Variants in NUDCD1 observed in about 807,000 individuals in gnomAD.
The protein encoded by NUDCD1 is NudC domain containing 1.
Under a neutral mutation model 67.8 loss-of-function variants are expected in NUDCD1, and 60 were observed. The observed-to-expected ratio is 0.88, with a 90% confidence interval of 0.72 to 1.10. The LOEUF (loss-of-function observed/expected upper bound fraction) is 1.10. Among genes scored for constraint, NUDCD1 ranks in the 50% least tolerant of loss-of-function variants. The pLI is 0.00. For missense variants in NUDCD1, 643 were observed against 695.0 expected (o/e 0.93, Z 0.84); for synonymous variants, 244 against 230.8 (o/e 1.06, Z -0.52).
chr8:109,281,196 C>T (rs761201402), intron 5 of NUDCD1, 24 bp from the exon 6 acceptor site: 1 of 1,503,224 alleles, frequency 6.7e-7, no homozygotes, highest in South Asian at 1.2e-5. Context: ...AAAAATGCAT[C>T]ATGTAATAAA....
At chr8:109,269,087 C>A (rs994437313) in intron 8 of NUDCD1, among the ~76,000 whole-genome samples, 2 of 152,012 alleles carry the variant, frequency 1.3e-5, no homozygotes, top group Non-Finnish European at 2.9e-5. Context: ...GACCTAAAAC[C>A]ATTTTTTTAA....
At chr8:109,322,876 T>G (rs938040765) in intron 1 of NUDCD1, among the ~76,000 whole-genome samples, 63 of 152,216 alleles carry the variant, frequency 4.1e-4, no homozygotes, top group African/African-American at 1.3e-3. Flanking sequence ...TCTCATTCAT[T>G]TTAATACACA....
At chr8:109,259,381 T>C (rs778560851) in intron 8 of NUDCD1, among the ~76,000 whole-genome samples, 1 of 152,232 alleles carries the variant, frequency 6.6e-6, no homozygotes, top group Non-Finnish European at 1.5e-5. Flanking sequence ...CATGTCTTTT[T>C]ACCAGCATCT....
intron 1 of NUDCD1, among the ~76,000 whole-genome samples, chr8:109,324,241 C>G (rs935279659): frequency 6.6e-6 from 1 of 150,778 alleles, no homozygotes; most frequent in Admixed American, 6.6e-5. Context: ...GGGCAAAGAT[C>G]TTAATAGACA....
intron 6 of NUDCD1, among the ~76,000 whole-genome samples, chr8:109,280,042 ATTAT>A (rs1354837143): frequency 2.6e-5 from 4 of 152,208 alleles, no homozygotes; most frequent in African/African-American, 4.8e-5. Context: ...AGAAATATTA[ATTAT>A]TCCACTTTTA....
intron 6 of NUDCD1, among the ~76,000 whole-genome samples, chr8:109,275,744 G>C (rs960703465): frequency 6.6e-6 from 1 of 152,138 alleles, no homozygotes; most frequent in Admixed American, 6.6e-5. Context: ...GGCCTGAAGA[G>C]AGGATTGCCT....
chr8:109,290,363 C>T (rs1814683734), intron 4 of NUDCD1, among the ~76,000 whole-genome samples: 2 of 151,996 alleles, frequency 1.3e-5, no homozygotes, highest in African/African-American at 4.8e-5. Context: ...CCAACATGAC[C>T]GGCTTACTTG....
chr8:109,287,225 T>G (rs1814596425), intron 5 of NUDCD1, among the ~76,000 whole-genome samples: 1 of 152,194 alleles, frequency 6.6e-6, no homozygotes, highest in South Asian at 2.1e-4. Context: ...GAAAGCAGTT[T>G]GGAGATTTCT....
intron 8 of NUDCD1, among the ~76,000 whole-genome samples, chr8:109,247,454 C>T (rs1445153491): frequency 6.6e-6 from 1 of 152,068 alleles, no homozygotes; most frequent in East Asian, 1.9e-4. Context: ...TGAAAGGTGA[C>T]CACCAAGGGA....
chr8:109,261,245 A>G (rs1305471732), intron 8 of NUDCD1, among the ~76,000 whole-genome samples: 1 of 152,222 alleles, frequency 6.6e-6, no homozygotes, highest in African/African-American at 2.4e-5. Context: ...TTGAACCTAC[A>G]GTATTGTTAT....
At chr8:109,277,969 C>A (rs1814336078) in intron 6 of NUDCD1, among the ~76,000 whole-genome samples, 1 of 152,078 alleles carries the variant, frequency 6.6e-6, no homozygotes, top group Non-Finnish European at 1.5e-5. Flanking sequence ...TGTAAGATAC[C>A]TTTTACAACT....
At chr8:109,293,016 G>C (rs1278347918) in intron 4 of NUDCD1, among the ~76,000 whole-genome samples, 1 of 151,218 alleles carries the variant, frequency 6.6e-6, no homozygotes, top group East Asian at 1.9e-4. Context: ...TTAGTTTTAG[G>C]TATATGTTTC....
intron 2 of NUDCD1, among the ~76,000 whole-genome samples, chr8:109,310,373 G>C (rs1322089966): frequency 1.3e-5 from 2 of 152,178 alleles, no homozygotes; most frequent in Non-Finnish European, 2.9e-5. Context: ...GTGGGGAAAG[G>C]ATACCCTTTT....
At chr8:109,298,117 T>C (rs941588990) in intron 2 of NUDCD1, among the ~76,000 whole-genome samples, 2 of 151,970 alleles carry the variant, frequency 1.3e-5, no homozygotes, top group Non-Finnish European at 2.9e-5. Context: ...AATTAAATAA[T>C]AAATACTCAA....
intron 8 of NUDCD1, among the ~76,000 whole-genome samples, chr8:109,259,554 TG>T (rs1813819723): frequency 6.6e-6 from 1 of 152,180 alleles, no homozygotes; most frequent in African/African-American, 2.4e-5. Context: ...GGTGTGTCTA[TG>T]GGATTATCTG....
chr8:109,312,121 G>A (rs1403628319), intron 2 of NUDCD1, among the ~76,000 whole-genome samples: 6 of 151,970 alleles, frequency 3.9e-5, no homozygotes, highest in African/African-American at 1.4e-4. Context: ...GGCCAACATG[G>A]TGAAACCCTA....
chr8:109,281,121 C>T lies in NUDCD1; in HGVS notation c.875G>A (p.Arg292Gln), dbSNP rs1022060953. ...CTCCTTAGTACTGTCTTCTGGAAGC[C>T]GTATGGTTACTGTCAAATCATCTTC... ...QTEDDLTVTI[R>Q]LPEDSTKEDI... The change falls in exon 6 of 10, where the codon CGG (arginine) becomes CAG (glutamine). Residue 292 changes from arginine (R) to glutamine (Q), a missense_variant. Transcript: ENST00000239690. The T allele has an allele frequency of 8.1e-6, 13 of 1,613,282 alleles. No individual in the cohort carries two copies. Among genetic ancestry groups the T allele is most frequent in the Non-Finnish European group, 5.9e-6 (7 of 1,179,634 alleles).
chr8:109,296,518 TCA>T lies in NUDCD1; in HGVS notation c.323_324del (p.Leu108TyrfsTer4). ...GCACAAAGACGGTTGTCACATGCTG[TCA>T]AATCTGTAGGAAGTCGAAACACCTC... ...PREVFRLPTD[L>X]TACDNRLCAS... On this transcript the variant is annotated frameshift_variant, in exon 3 of 10. Transcript: ENST00000239690. LOFTEE classifies it high-confidence loss of function. The T allele has an allele frequency of 6.2e-7, 1 of 1,612,236 alleles. No homozygotes were observed. Among genetic ancestry groups the T allele is most frequent in the Non-Finnish European group, 8.5e-7 (1 of 1,178,694 alleles).
At chr8:109,306,353 C>G (rs960938604) in intron 2 of NUDCD1, among the ~76,000 whole-genome samples, 1 of 152,114 alleles carries the variant, frequency 6.6e-6, no homozygotes, top group African/African-American at 2.4e-5. Context: ...CTCTACCTCT[C>G]CCCAGCTATC....
Sources: allele counts gnomAD v4.1 joint callset (sites outside exome capture counted in the v4.1 genomes callset), GRCh38; gene constraint gnomAD v4.1.1; transcripts MANE v1.5; gene names NCBI Gene and HGNC (gene_info 2026-07-23, HGNC 2026-07-21).